Variants in EZH2 observed in about 807,000 individuals in gnomAD.
EZH2 encodes the protein histone-lysine N-methyltransferase EZH2.
A neutral mutation model predicts 98.4 loss-of-function variants in EZH2; 18 were observed. That is an observed-to-expected ratio of 0.18 (90% CI 0.13 to 0.27). EZH2 has a LOEUF of 0.27. Ranked by LOEUF, EZH2 falls within the 10% of genes least tolerant of loss-of-function variation. The pLI, the probability that EZH2 is intolerant of heterozygous loss-of-function variation, is 1.00. For missense variants in EZH2, 470 were observed against 935.1 expected, an observed-to-expected ratio of 0.50 and a Z score of 6.49; for synonymous variants, 338 against 312.3, an observed-to-expected ratio of 1.08 and a Z score of -0.87.
chr7:148,878,497 A>C (rs1035187801), intron 1 of EZH2, among the ~76,000 whole-genome samples: 1 of 152,018 alleles, frequency 6.6e-6, no homozygotes, highest in African/African-American at 2.4e-5. Context: ...TTATTTTGAA[A>C]TTTCACTCCT....
At position 148,809,408 on chromosome 7, in the gene EZH2, A is replaced by AGC. The variant is rs757631066; in HGVS notation, c.2030-20_2030-19dup. On this transcript the variant is annotated intron_variant, in intron 17 of 19. Coordinates refer to ENST00000320356, the MANE Select transcript of EZH2 (RefSeq NM_004456.5). The stretch of plus-strand genomic sequence containing the variant: ...CACAAAATCTAAAAAGAAAAAAGTA[A>AGC]GCACAGCCCAGTGAATAATTTCAGT... The AGC allele has an allele frequency of 6.6e-5, 104 of 1,574,832 alleles. 2 individuals carry two copies. In the South Asian group the frequency reaches 1.2e-3, roughly 18 times the overall value.
intron 19 of EZH2, 74 bp from the exon 20 acceptor site, chr7:148,807,780 C>T (rs1801869728): frequency 5.6e-6 from 5 of 886,076 alleles, no homozygotes; most frequent in Non-Finnish European, 8.8e-6. Flanking sequence ...CACAACAAAG[C>T]CTGCTGAAGA....
At chr7:148,821,607 T>C (rs2129473232) in intron 8 of EZH2, among the ~76,000 whole-genome samples, 1 of 152,258 alleles carries the variant, frequency 6.6e-6, no homozygotes, top group East Asian at 1.9e-4. Flanking sequence ...GGAGCATCAC[T>C]TGAGGCCAGG....
In EZH2 at chr7:148,814,992, G is replaced by A. The variant is rs2129470129; in HGVS notation, c.1594C>T (p.Arg532Trp). Residue 532 changes from arginine to tryptophan, a missense_variant, in exon 14 of 20, where the codon CGG becomes TGG. Physicochemically the swap from Arg to Trp is moderately radical, Grantham distance 101. This residue lies in a region of EZH2 where 106 missense variants were observed against 327.2 expected (regional missense o/e 0.32). Coordinates refer to ENST00000320356, the MANE Select transcript of EZH2 (RefSeq NM_004456.5). ...VYNYQPCDHP[R>W]QPCDSSCPCV... ...GGGCACGAACTGTCACAAGGCTGCCGTGGATGATCACAGGGTTGATAGTTG... is the reference window on the plus strand; with the variant it reads ...GGGCACGAACTGTCACAAGGCTGCCATGGATGATCACAGGGTTGATAGTTG... The A allele has an allele frequency of 1.2e-6, 2 of 1,613,986 alleles. No individual in the cohort carries two copies. Among genetic ancestry groups the A allele is most frequent in the Non-Finnish European group, 1.7e-6 (2 of 1,179,978 alleles).
chr7:148,880,531 C>G (rs1820806313), intron 1 of EZH2, among the ~76,000 whole-genome samples: 1 of 152,194 alleles, frequency 6.6e-6, no homozygotes, highest in African/African-American at 2.4e-5. Flanking sequence ...CAAGTTCTCT[C>G]CAGTTGTCCG....
At chr7:148,829,272 G>A (rs906370198) in intron 5 of EZH2, among the ~76,000 whole-genome samples, 1 of 152,042 alleles carries the variant, frequency 6.6e-6, no homozygotes, top group Non-Finnish European at 1.5e-5. Context: ...CACTTTAACA[G>A]GGCCTCCTGG....
chr7:148,839,492 T>C (rs1361288255), intron 3 of EZH2, among the ~76,000 whole-genome samples: 1 of 144,708 alleles, frequency 6.9e-6, no homozygotes, highest in Non-Finnish European at 1.5e-5. Flanking sequence ...AAGAAAAAAC[T>C]GTATAACCAA....
intron 1 of EZH2, among the ~76,000 whole-genome samples, chr7:148,866,495 T>C (rs931250209): frequency 2.8e-5 from 4 of 144,348 alleles, no homozygotes; most frequent in African/African-American, 1.1e-4. Context: ...GTGAAAAATA[T>C]ATATACGTAT....
At chr7:148,822,616 C>G (rs941517711) in intron 8 of EZH2, among the ~76,000 whole-genome samples, 3 of 151,428 alleles carry the variant, frequency 2.0e-5, no homozygotes, top group African/African-American at 4.9e-5. Flanking sequence ...ATATAAAAAG[C>G]TCCTAAGACA....
chr7:148,869,617 C>T (rs138661937), intron 1 of EZH2, among the ~76,000 whole-genome samples: 19 of 152,260 alleles, frequency 1.2e-4, no homozygotes, highest in Admixed American at 6.5e-4. Flanking sequence ...GGATTACTGG[C>T]GTGAGCCAAT....
chr7:148,869,128 GC>G (rs1043217597), intron 1 of EZH2, among the ~76,000 whole-genome samples: 1 of 148,848 alleles, frequency 6.7e-6, no homozygotes, highest in African/African-American at 2.6e-5. Flanking sequence ...CTTATAATCA[GC>G]ATTAGATGTT....
intron 1 of EZH2, among the ~76,000 whole-genome samples, chr7:148,864,728 T>A (rs1255802575): frequency 1.3e-5 from 2 of 151,998 alleles, no homozygotes; most frequent in Admixed American, 6.6e-5. Context: ...AGTTTAAGTT[T>A]TTCTTGAAAA....
intron 2 of EZH2, 46 bp downstream of exon 2, chr7:148,847,136 C>A (rs780950204): frequency 6.4e-6 from 10 of 1,562,694 alleles, no homozygotes; most frequent in Non-Finnish European, 8.6e-6. Context: ...GGGGAAAAAA[C>A]CTATCCTTAA....
intron 17 of EZH2, among the ~76,000 whole-genome samples, chr7:148,809,644 T>C (rs1408349968): frequency 7.1e-6 from 1 of 139,988 alleles, no homozygotes; most frequent in African/African-American, 2.8e-5. Flanking sequence ...TAAACATACA[T>C]TACTGAGCAA....
rs201385478 is a variant in EZH2 at position 148,829,974 on chromosome 7, CAG to C, written c.364-128_364-127del. On this transcript the variant is annotated intron_variant, in intron 4 of 19. Coordinates refer to ENST00000320356, the MANE Select transcript of EZH2 (RefSeq NM_004456.5). The stretch of plus-strand genomic sequence containing the variant: ...AGTTCTCCAGATTTAAAATACTAGT[CAG>C]AGAGCAAACTCTAAAATTTATCAAA... 2.6e-3 allele frequency: 1,511 copies of C among 584,616 alleles called. 17 individuals are homozygous for C. In the African/African-American group the frequency reaches 0.026, roughly 10 times the overall value. The allele number at this position is 584,616 out of a possible 1,614,324, so 36.2% of individuals were successfully genotyped here. A position where few individuals can be genotyped will look rare whatever the true frequency, so the allele number is the denominator to read the frequency against.
chr7:148,847,128 G>A (rs1029049825), intron 2 of EZH2, 54 bp downstream of exon 2: 2 of 1,552,606 alleles, frequency 1.3e-6, no homozygotes, highest in African/African-American at 1.4e-5. Context: ...ACTTAGGAGG[G>A]GAAAAAACCT....
In EZH2 at chr7:148,817,245, T is replaced by G. The variant is rs1225047502; in HGVS notation, c.1387A>C (p.Ile463Leu). Residue 463 changes from isoleucine to leucine, a missense_variant, in exon 11 of 20, where the codon ATT (isoleucine) becomes CTT (leucine). Transcript: ENST00000320356. ...YDNFCAIARLIGTKTCRQVYE... is the reference protein window; with the variant it reads ...YDNFCAIARLLGTKTCRQVYE... ...ACCTGTCTACATGTTTTGGTCCCAA[T>G]TAACCTAGCAATGGCACAGAAATTG... 1 of 1,613,786 alleles carries G rather than the reference T, an allele frequency of 6.2e-7. No homozygotes were observed. The highest frequency in any genetic ancestry group is 2.2e-5 in the East Asian group (1 of 44,848).
chr7:148,868,219 T>C (rs1818827745), intron 1 of EZH2, among the ~76,000 whole-genome samples: 1 of 152,224 alleles, frequency 6.6e-6, no homozygotes, highest in Non-Finnish European at 1.5e-5. Flanking sequence ...ATTTTCTGTA[T>C]TAGTCCATTC....
At chr7:148,852,162 A>G (rs1464089417) in intron 1 of EZH2, among the ~76,000 whole-genome samples, 3 of 152,230 alleles carry the variant, frequency 2.0e-5, no homozygotes, top group Non-Finnish European at 4.4e-5. Flanking sequence ...CCAAACCAGA[A>G]TATGGCAGGA....
Sources: gnomAD v4.1 joint callset for allele counts (sites outside exome capture counted in the v4.1 genomes callset) on GRCh38, gnomAD v4.1.1 for gene constraint, gnomAD v4.1.1 regional missense constraint, MANE v1.5 for transcripts, NCBI Gene and HGNC (gene_info 2026-07-23, HGNC 2026-07-21) for gene names.